Variants in TRIM48 observed in about 807,000 individuals in gnomAD.
TRIM48 encodes tripartite motif containing 48.
TRIM48 carries 31 observed loss-of-function variants against 29.5 expected under a neutral mutation model. The observed-to-expected ratio is 1.05, with a 90% CI of 0.79 to 1.42. The LOEUF (loss-of-function observed/expected upper bound fraction) is 1.42. TRIM48 is among the 40% of genes most tolerant of loss of function. The pLI is 0.00. For missense variants in TRIM48, 344 were observed against 265.0 expected, an observed-to-expected ratio of 1.30 and a Z score of -2.07; for synonymous variants, 128 against 90.6, an observed-to-expected ratio of 1.41 and a Z score of -2.34.
chr11:55,262,725 A>G (rs2120095589), intron 1 of TRIM48, among the ~76,000 whole-genome samples: 1 of 152,218 alleles, frequency 6.6e-6, no homozygotes, highest in South Asian at 2.1e-4. Context: ...GGTAATGATG[A>G]GAGATGAAAA....
chr11:55,267,708 A>C, intron 3 of TRIM48: 1 of 1,531,610 alleles, frequency 6.5e-7, no homozygotes, highest in Non-Finnish European at 8.8e-7. Context: ...CATGGCTGAA[A>C]TCCATCTCCC....
intron 4 of TRIM48, among the ~76,000 whole-genome samples, chr11:55,268,797 A>G (rs141759849): frequency 0.014 from 2,133 of 147,970 alleles, 187 homozygotes; most frequent in African/African-American, 0.05. Flanking sequence ...TTAGAACTGT[A>G]TAAGTCTCTA....
At chr11:55,267,916 G>A (rs892323149) in intron 3 of TRIM48, among the ~76,000 whole-genome samples, 13 of 147,732 alleles carry the variant, frequency 8.8e-5, no homozygotes, top group Non-Finnish European at 1.8e-4. Flanking sequence ...AATACATTTA[G>A]GGTTGTCAAA....
chr11:55,270,915 C>CT lies in TRIM48; in HGVS notation c.*485dup. The CT allele has an allele frequency of 1.3e-6, 2 of 1,557,636 alleles. No individual in the cohort carries two copies. ...CCTTCTCACTTCCTCTCAGACCTAT[C>CT]TTTTTCTGTATTCTCCTCTGACCAG... On this transcript the variant is annotated 3_prime_UTR_variant, in exon 6 of 6. Coordinates refer to ENST00000417545, the MANE Select transcript of TRIM48 (RefSeq NM_024114.5).
Position 55,263,210 on chromosome 11 carries a change from C to T in TRIM48, c.44+899C>T, listed in dbSNP as rs180806007. ...AAATGTTTACATACTAAATAATTACCACTGTGTTACAATTGCCTAGAGTAT... is the reference window on the plus strand; with the variant it reads ...AAATGTTTACATACTAAATAATTACTACTGTGTTACAATTGCCTAGAGTAT... On this transcript the variant is annotated intron_variant, in intron 1 of 5. Coordinates refer to ENST00000417545, the MANE Select transcript of TRIM48 (RefSeq NM_024114.5). 5.7e-4 allele frequency among the ~76,000 whole-genome samples: 87 copies of T among 152,136 alleles called. No homozygotes were observed. In the Middle Eastern group the frequency reaches 0.01, roughly 18 times the overall value.
At chr11:55,265,529 C>A in intron 2 of TRIM48, 71 bp from the exon 3 acceptor site, 1 of 1,532,464 alleles carries the variant, frequency 6.5e-7, no homozygotes, top group Non-Finnish European at 8.9e-7. Context: ...TTCTGGGCCC[C>A]CTCCCAATGA....
chr11:55,268,993 G>A (rs1225680298), intron 4 of TRIM48, among the ~76,000 whole-genome samples: 1 of 148,032 alleles, frequency 6.8e-6, no homozygotes, highest in East Asian at 2.1e-4. Context: ...AGGCCATAAG[G>A]CTAAGGAACT....
rs1208131270 is a variant in TRIM48, at chr11:55,265,508, T to C, written c.460-92T>C. ...AGAAATGCCATTTACTAGGGACTTA[T>C]TTGTCTCTCATTCTGGGCCCCCTCC... On this transcript the variant is annotated intron_variant, in intron 2 of 5. Transcript: ENST00000417545. 5 of 1,499,264 alleles carry C rather than the reference T, an allele frequency of 3.3e-6. 1 individual carries two copies. In the Admixed American group the frequency reaches 5.6e-5, roughly 17 times the overall value. The allele number at this position is 1,499,264 out of a possible 1,614,324, so 92.9% of individuals were successfully genotyped here.
rs1857467736 is a variant in TRIM48, at chr11:55,270,542, CT to C, written c.*108del. ...GACCGTCAAAATCCGCCCCATATCACTGCAACACCTACAAGTTTTCTTGCAT... is the reference window on the plus strand; with the variant it reads ...GACCGTCAAAATCCGCCCCATATCACGCAACACCTACAAGTTTTCTTGCAT... On this transcript the variant is annotated 3_prime_UTR_variant, in exon 6 of 6. Transcript: ENST00000417545. 1 of 1,582,756 alleles carries C rather than the reference CT, an allele frequency of 6.3e-7. No homozygotes were observed. The highest frequency in any genetic ancestry group is 8.6e-7 in the Non-Finnish European group (1 of 1,165,618).
rs964499478 is a variant in TRIM48 at position 55,269,745 on chromosome 11, GT to G, written c.*1+412del. Among the ~76,000 whole-genome samples the G allele has an allele frequency of 2.0e-5, 3 of 147,528 alleles. No homozygotes were observed. In the Admixed American group the frequency reaches 2.1e-4, roughly 10 times the overall value. ...ATATAGTTCGCTGGAGATTCTTGGG[GT>G]TTTTTAATTTTTTAAATGGATATAT... On this transcript the variant is annotated intron_variant, in intron 5 of 5. Coordinates refer to ENST00000417545, the MANE Select transcript of TRIM48 (RefSeq NM_024114.5).
Position 55,265,232 on chromosome 11 carries a change from T to A in TRIM48, c.377T>A (p.Leu126Gln), listed in dbSNP as rs147550561. The A allele has an allele frequency of 1.3e-4, 211 of 1,582,744 alleles. 13 individuals are homozygous for A. In the African/African-American group the frequency reaches 2.6e-3, roughly 19 times the overall value. The stretch of plus-strand genomic sequence containing the variant: ...ATGTTCTGTGAAGTGGACAGGAGCC[T>A]GCTCTGTTTGCTGTGCTCCAGCTCT... ...KKMFCEVDRS[L>Q]LCLLCSSSQE... The change falls in exon 2 of 6, where the codon CTG (leucine) becomes CAG (glutamine). Residue 126 changes from leucine to glutamine, a missense_variant. Transcript: ENST00000417545.
intron 1 of TRIM48, 125 bp downstream of exon 1, chr11:55,262,436 CTATAGATTTTATGAATTATGAGGATAT>C: frequency 1.4e-6 from 1 of 728,078 alleles, no homozygotes; most frequent in Non-Finnish European, 2.3e-6. Flanking sequence ...CATATTCTTA[CTATAGATTTTATGAATTATGAGGATAT>C]TAATTGTTGT....
At chr11:55,265,419 A>G in intron 2 of TRIM48, 105 bp downstream of exon 2, 2 of 1,530,956 alleles carry the variant, frequency 1.3e-6, no homozygotes, top group Non-Finnish European at 1.8e-6. Flanking sequence ...CCCTTTAAGC[A>G]ACTCTCTTTT....
In TRIM48 at chr11:55,270,466, A is replaced by C; in HGVS notation, c.*31A>C. ...TATTACTCTGCATCACAATGAAGCC[A>C]ACAGTCATATCTTCCGATGTGGAGA... is the stretch of plus-strand genomic sequence containing the variant. On this transcript the variant is annotated 3_prime_UTR_variant, in exon 6 of 6. Transcript: ENST00000417545. The C allele has an allele frequency of 6.5e-7, 1 of 1,545,250 alleles. No homozygotes were observed. The highest frequency in any genetic ancestry group is 8.8e-7 in the Non-Finnish European group (1 of 1,137,686).
In TRIM48 at chr11:55,267,340, A is replaced by G; in HGVS notation, c.556-1010A>G. 7 of 1,461,960 alleles carry G rather than the reference A, an allele frequency of 4.8e-6. 1 individual carries two copies. The highest frequency in any genetic ancestry group is 6.5e-6 in the Non-Finnish European group (7 of 1,069,890). The allele number at this position is 1,461,960 out of a possible 1,614,324, so 90.6% of individuals were successfully genotyped here. ...TATTGGATGTTCGAGAGACAAAAGGAATCAGTGAGATTTAATAGGAGATGG... is the reference window on the plus strand; with the variant it reads ...TATTGGATGTTCGAGAGACAAAAGGGATCAGTGAGATTTAATAGGAGATGG... On this transcript the variant is annotated intron_variant, in intron 3 of 5. Coordinates refer to ENST00000417545, the MANE Select transcript of TRIM48 (RefSeq NM_024114.5).
At position 55,262,209 on chromosome 11, in the gene TRIM48, T is replaced by A; in HGVS notation, c.-59T>A. On this transcript the variant is annotated 5_prime_UTR_variant, in exon 1 of 6. Coordinates refer to ENST00000417545, the MANE Select transcript of TRIM48 (RefSeq NM_024114.5). Reference sequence around the variant, plus strand: ...TAGAGGGAGCTGTGTTTTGGTGACCTCTGAAACTCAGTACTGCAGCGAATG... The same window carrying A: ...TAGAGGGAGCTGTGTTTTGGTGACCACTGAAACTCAGTACTGCAGCGAATG... 7.1e-7 allele frequency: 1 copy of A among 1,409,744 alleles called. No homozygotes were observed. The highest frequency in any genetic ancestry group is 1.2e-5 in the South Asian group (1 of 81,164). 87.3% of individuals were successfully genotyped at this position (1,409,744 alleles called of 1,614,324 possible).
In TRIM48 at chr11:55,265,632, G is replaced by T. The variant is rs768201855; in HGVS notation, c.492G>T (p.Trp164Cys). The change falls in exon 3 of 6, where the codon TGG (tryptophan) becomes TGT (cysteine). Residue 164 changes from tryptophan (W) to cysteine (C), a missense_variant. Transcript: ENST00000417545. ...TTTTAAAGAAAATGCAGTCTTTATG[G>T]GAAAAAGCTTGTGAAAATCAGAGAA... ...EKLLKKMQSL[W>C]EKACENQRNL... The T allele has an allele frequency of 3.8e-6, 6 of 1,581,980 alleles. No homozygotes were observed. The highest frequency in any genetic ancestry group is 1.4e-5 in the African/African-American group (1 of 73,076).
chr11:55,264,999 C>G lies in TRIM48; in HGVS notation c.144C>G (p.His48Gln). The G allele has an allele frequency of 4.4e-6, 7 of 1,584,682 alleles. 1 individual carries two copies. Among genetic ancestry groups the G allele is most frequent in the Non-Finnish European group, 6.0e-6 (7 of 1,166,416 alleles). Residue 48 changes from histidine to glutamine, a missense_variant, in exon 2 of 6, where the codon CAC (histidine) becomes CAG (glutamine). Physicochemically the swap from His to Gln is conservative, Grantham distance 24. Transcript: ENST00000417545. ...ACCCGGTCACCATAGACTGTGGGCA[C>G]AGCTTTTGCAGGCCCTGTTTCTACC... is the stretch of plus-strand genomic sequence containing the variant. ...FIDPVTIDCGHSFCRPCFYLN... is the reference protein window; with the variant it reads ...FIDPVTIDCGQSFCRPCFYLN...
Position 55,265,599 on chromosome 11 carries a change from G to A in TRIM48, c.460-1G>A, listed in dbSNP as rs145499448. 738 of 1,580,224 alleles carry A rather than the reference G, an allele frequency of 4.7e-4. 39 individuals carry two copies. The highest frequency in any genetic ancestry group is 6.2e-4 in the Non-Finnish European group (718 of 1,164,490). On this transcript the variant is annotated splice_acceptor_variant, in intron 2 of 5. Coordinates refer to ENST00000417545, the MANE Select transcript of TRIM48 (RefSeq NM_024114.5). LOFTEE classifies it high-confidence loss of function. ...TGCTTCAATTTATGGCTCTTTTGCA[G>A]GAGAAGCTTTTAAAGAAAATGCAGT...
Sources: gnomAD v4.1 joint callset for allele counts (sites outside exome capture counted in the v4.1 genomes callset) on GRCh38, gnomAD v4.1.1 for gene constraint, MANE v1.5 for transcripts, NCBI Gene and HGNC (gene_info 2026-07-23, HGNC 2026-07-21) for gene names.